The following LHFPL2 variants were observed in gnomAD, a reference collection of about 807,000 sequenced individuals.
LHFPL2 encodes the protein LHFPL tetraspan subfamily member 2, also known as LHFPL tetraspan subfamily member 2 protein.
LHFPL2 carries 7 observed loss-of-function variants against 17.5 expected under a neutral mutation model. That is an observed-to-expected ratio of 0.40 (90% CI 0.23 to 0.75). LHFPL2 has a LOEUF of 0.75. LHFPL2 is among the 30% of genes least tolerant of loss of function. The pLI is 0.37. For missense variants in LHFPL2, 241 were observed against 294.8 expected, an observed-to-expected ratio of 0.82 and a Z score of 1.34; for synonymous variants, 134 against 116.2, an observed-to-expected ratio of 1.15 and a Z score of -0.99.
At chr5:78,585,462 C>A (rs763237800) in intron 2 of LHFPL2, among the ~76,000 whole-genome samples, 2 of 152,172 alleles carry the variant, frequency 1.3e-5, no homozygotes, top group Non-Finnish European at 2.9e-5. Flanking sequence ...CGCCCTGCTT[C>A]GGCTCACGCA....
intron 3 of LHFPL2, among the ~76,000 whole-genome samples, chr5:78,527,292 G>C (rs1215272720): frequency 6.7e-6 from 1 of 149,428 alleles, no homozygotes; most frequent in African/African-American, 2.5e-5. Context: ...TTTTAACTCA[G>C]TTCTGTCTGG....
At chr5:78,538,406 T>C (rs967180411) in intron 3 of LHFPL2, among the ~76,000 whole-genome samples, 3 of 152,208 alleles carry the variant, frequency 2.0e-5, no homozygotes, top group Admixed American at 6.5e-5. Context: ...GTTCTTTGCT[T>C]TTCTAGGGGG....
intron 3 of LHFPL2, among the ~76,000 whole-genome samples, chr5:78,547,546 C>T (rs1756316647): frequency 6.6e-6 from 1 of 152,242 alleles, no homozygotes; most frequent in Non-Finnish European, 1.5e-5. Flanking sequence ...CTATCAAAAC[C>T]TCACCAAAAT....
chr5:78,593,436 G>A (rs998539505), intron 2 of LHFPL2, among the ~76,000 whole-genome samples: 6 of 152,036 alleles, frequency 3.9e-5, no homozygotes, highest in East Asian at 3.9e-4. Context: ...TGTCTCTCCC[G>A]AGCACCTCTC....
intron 3 of LHFPL2, among the ~76,000 whole-genome samples, chr5:78,522,435 C>A (rs1755485859): frequency 6.6e-6 from 1 of 151,802 alleles, no homozygotes; most frequent in African/African-American, 2.4e-5. Context: ...AGACTCTTGT[C>A]TCAAAATAAA....
At chr5:78,624,106 C>G (rs929605840) in intron 2 of LHFPL2, among the ~76,000 whole-genome samples, 1 of 152,220 alleles carries the variant, frequency 6.6e-6, no homozygotes, top group Admixed American at 6.5e-5. Context: ...TGGCTCAACT[C>G]ATTGCTGGCC....
intron 2 of LHFPL2, among the ~76,000 whole-genome samples, chr5:78,606,878 T>C (rs753202332): frequency 3.3e-5 from 5 of 152,058 alleles, no homozygotes; most frequent in Non-Finnish European, 5.9e-5. Flanking sequence ...GGTTTCACCA[T>C]GTTGGCCAGG....
At chr5:78,489,778 T>TA (rs1754375792) in intron 4 of LHFPL2, among the ~76,000 whole-genome samples, 1 of 152,248 alleles carries the variant, frequency 6.6e-6, no homozygotes, top group Non-Finnish European at 1.5e-5. Context: ...GTTAACTTTA[T>TA]AAGTAAAGTT....
chr5:78,639,435 C>T (rs1297920136), intron 1 of LHFPL2, among the ~76,000 whole-genome samples: 2 of 152,150 alleles, frequency 1.3e-5, no homozygotes, highest in African/African-American at 4.8e-5. Context: ...TTACAGTCAC[C>T]AGTTTAAGCC....
intron 3 of LHFPL2, among the ~76,000 whole-genome samples, chr5:78,538,503 A>G (rs1756014318): frequency 1.3e-5 from 2 of 152,190 alleles, no homozygotes; most frequent in Non-Finnish European, 2.9e-5. Context: ...GCTCTGTTAG[A>G]CACAACACAG....
At chr5:78,605,814 T>C (rs1160237085) in intron 2 of LHFPL2, among the ~76,000 whole-genome samples, 1 of 152,212 alleles carries the variant, frequency 6.6e-6, no homozygotes, top group Non-Finnish European at 1.5e-5. Context: ...GAATCATCTC[T>C]TCATAGTACT....
intron 4 of LHFPL2, among the ~76,000 whole-genome samples, chr5:78,499,635 A>AC (rs1754712130): frequency 1.3e-5 from 2 of 152,236 alleles, no homozygotes; most frequent in African/African-American, 4.8e-5. Flanking sequence ...AGTTATATCT[A>AC]CAAGGATTAG....
At chr5:78,493,375 C>T (rs866310086) in intron 4 of LHFPL2, among the ~76,000 whole-genome samples, 2 of 152,230 alleles carry the variant, frequency 1.3e-5, no homozygotes, top group South Asian at 2.1e-4. Context: ...TTCATCCTAG[C>T]AGTCACAAGA....
chr5:78,585,242 C>T (rs1294492258), intron 2 of LHFPL2, among the ~76,000 whole-genome samples: 2 of 95,940 alleles, frequency 2.1e-5, no homozygotes, highest in African/African-American at 3.7e-5. Context: ...ATCCTGACCT[C>T]GTGATCCGCC....
chr5:78,527,230 A>G (rs1755644465), intron 3 of LHFPL2, among the ~76,000 whole-genome samples: 1 of 152,158 alleles, frequency 6.6e-6, no homozygotes, highest in Admixed American at 6.5e-5. Flanking sequence ...GAAGATTAAC[A>G]TGGGGCCAAA....
At chr5:78,506,884 T>C (rs1031207425) in intron 4 of LHFPL2, among the ~76,000 whole-genome samples, 1 of 152,158 alleles carries the variant, frequency 6.6e-6, no homozygotes, top group Non-Finnish European at 1.5e-5. Flanking sequence ...TTCAGAATTT[T>C]TGAGATGCTG....
At chr5:78,513,995 G>A (rs553738055) in intron 3 of LHFPL2, among the ~76,000 whole-genome samples, 2 of 152,348 alleles carry the variant, frequency 1.3e-5, no homozygotes, top group Non-Finnish European at 2.9e-5. Context: ...TTTGTGCTCT[G>A]TCCCAGTTTG....
At position 78,509,860 on chromosome 5, in the gene LHFPL2, G is replaced by A. The variant is rs1467095019; in HGVS notation, c.354C>T (p.Ser118=). ...IFILCMVALV[S]VFTMCVQSIM... is the part of the protein sequence containing the mutation. ...TGCTCTGTACACACATGGTGAAGAC[G>A]GACACCAAGGCCACCATGCAGAGAA... The change falls in exon 4 of 5, where the codon TCC becomes TCT. Residue 118 remains serine (S), a synonymous_variant. Coordinates refer to ENST00000380345, the MANE Select transcript of LHFPL2 (RefSeq NM_005779.3). 4 of 1,613,846 alleles carry A rather than the reference G, an allele frequency of 2.5e-6. No individual in the cohort carries two copies. Among genetic ancestry groups the A allele is most frequent in the South Asian group, 1.1e-5 (1 of 91,090 alleles).
At chr5:78,583,001 T>G (rs1743206822) in intron 2 of LHFPL2, among the ~76,000 whole-genome samples, 1 of 152,234 alleles carries the variant, frequency 6.6e-6, no homozygotes, top group Non-Finnish European at 1.5e-5. Context: ...TTAGGACAGT[T>G]AGCTCTTCTT....
Sources: gnomAD v4.1 joint callset for allele counts (sites outside exome capture counted in the v4.1 genomes callset) on GRCh38, gnomAD v4.1.1 for gene constraint, MANE v1.5 for transcripts, NCBI Gene and HGNC (gene_info 2026-07-23, HGNC 2026-07-21) for gene names.